The following LDB3 variants were observed in gnomAD, a reference collection of about 807,000 sequenced individuals.
LDB3 encodes LIM domain binding 3.
LDB3 carries 49 observed loss-of-function variants against 69.0 expected under a neutral mutation model. That is an observed-to-expected ratio of 0.71 (90% CI 0.56 to 0.90). LDB3 has a LOEUF of 0.90. LDB3 is among the 40% of genes least tolerant of loss of function. LDB3 has a pLI of 0.00. For synonymous variants in LDB3, 387 were observed against 396.2 expected, an observed-to-expected ratio of 0.98 and a Z score of 0.28; for missense variants, 928 against 974.1, an observed-to-expected ratio of 0.95 and a Z score of 0.63.
At chr10:86,710,270 C>A (rs1299996817) in intron 9 of LDB3, 2 of 985,088 alleles carry the variant, frequency 2.0e-6, no homozygotes, top group African/African-American at 3.5e-5. Context: ...GTGGATGATT[C>A]TAAGGGAGAG....
intron 12 of LDB3, among the ~76,000 whole-genome samples, chr10:86,721,791 C>T (rs1398033936): frequency 2.0e-5 from 3 of 152,238 alleles, no homozygotes; most frequent in East Asian, 1.9e-4. Context: ...CCTCCATGTG[C>T]TTCTGATGTT....
chr10:86,725,702 C>G (rs1379365313), intron 12 of LDB3, among the ~76,000 whole-genome samples: 3 of 152,096 alleles, frequency 2.0e-5, no homozygotes, highest in Admixed American at 6.5e-5. Context: ...ACACAAATGC[C>G]CCATGACAGA....
At chr10:86,707,838 C>T (rs1846502226) in intron 8 of LDB3, among the ~76,000 whole-genome samples, 1 of 152,234 alleles carries the variant, frequency 6.6e-6, no homozygotes, top group African/African-American at 2.4e-5. Context: ...GAGCCTGGCC[C>T]TCCAGGGATG....
In LDB3 at chr10:86,732,961, C is replaced by T. The variant is rs1847528893; in HGVS notation, c.2169C>T (p.His723=). Residue 723 remains histidine, a synonymous_variant, in exon 14 of 14, where the codon CAC becomes CAT. Transcript: ENST00000361373. The stretch of plus-strand genomic sequence containing the variant: ...GACCCCTGTGCAAGAAGCACGCACA[C>T]ACCATCAACTTGTAGGCGGCCAAGG... ...KDRPLCKKHA[H]TINL The T allele has an allele frequency of 6.2e-7, 1 of 1,613,642 alleles. No homozygotes were observed. Among genetic ancestry groups the T allele is most frequent in the Non-Finnish European group, 8.5e-7 (1 of 1,179,736 alleles).
intron 3 of LDB3, 101 bp from the exon 4 acceptor site, chr10:86,679,981 C>A: frequency 9.7e-7 from 1 of 1,028,868 alleles, no homozygotes; most frequent in Non-Finnish European, 1.5e-6. Context: ...TGAGAGCTGA[C>A]TCTGGCTCTC....
intron 9 of LDB3, among the ~76,000 whole-genome samples, chr10:86,714,124 C>A (rs980081126): frequency 3.3e-5 from 5 of 152,186 alleles, no homozygotes; most frequent in Non-Finnish European, 5.9e-5. Flanking sequence ...CCTTAATCCT[C>A]ATAATAACCT....
At chr10:86,722,716 A>C (rs1455384525) in intron 12 of LDB3, among the ~76,000 whole-genome samples, 1 of 151,256 alleles carries the variant, frequency 6.6e-6, no homozygotes, top group Non-Finnish European at 1.5e-5. Flanking sequence ...ACAGGCTCCC[A>C]CCAACACGCC....
intron 7 of LDB3, among the ~76,000 whole-genome samples, chr10:86,697,549 C>CTTTTTTTTTTTTTTTTTTTTT (rs71019409): frequency 1.2e-5 from 1 of 83,940 alleles, no homozygotes; most frequent in African/African-American, 5.9e-5. Context: ...TTCTTTCTTT[C>CTTTTTTTTTTTTTTTTTTTTT]TTTTTTTTTT....
intron 7 of LDB3, among the ~76,000 whole-genome samples, chr10:86,705,524 G>T (rs146510827): frequency 6.6e-6 from 1 of 152,194 alleles, no homozygotes; most frequent in Non-Finnish European, 1.5e-5. Context: ...TAGCAACCCA[G>T]CTCTGACTGC....
intron 7 of LDB3, among the ~76,000 whole-genome samples, chr10:86,702,947 C>T (rs548092199): frequency 7.9e-5 from 12 of 152,184 alleles, no homozygotes; most frequent in Non-Finnish European, 1.3e-4. Flanking sequence ...TGGTGATCAT[C>T]GTCCTGGTGC....
chr10:86,680,685 G>T (rs1845065319), intron 4 of LDB3, among the ~76,000 whole-genome samples: 1 of 145,012 alleles, frequency 6.9e-6, no homozygotes, highest in African/African-American at 2.5e-5. Flanking sequence ...GGCAATGGCA[G>T]GCACAGGGGA....
intron 2 of LDB3, among the ~76,000 whole-genome samples, chr10:86,671,187 G>A (rs1303505326): frequency 1.3e-5 from 2 of 152,232 alleles, no homozygotes; most frequent in African/African-American, 2.4e-5. Flanking sequence ...ACTGAGGCTC[G>A]AGTCTGCTCA....
chr10:86,709,374 G>T (rs1421591902), intron 8 of LDB3, among the ~76,000 whole-genome samples: 1 of 152,190 alleles, frequency 6.6e-6, no homozygotes, highest in Non-Finnish European at 1.5e-5. Context: ...AGAGGTGTGT[G>T]TTGGGGGAGA....
intron 9 of LDB3, among the ~76,000 whole-genome samples, chr10:86,712,975 C>G (rs1205643924): frequency 6.6e-6 from 1 of 152,040 alleles, no homozygotes; most frequent in Admixed American, 6.5e-5. Context: ...GCAGGAGAAT[C>G]ACTTGAACCC....
chr10:86,684,626 T>C (rs1564637453), intron 5 of LDB3, among the ~76,000 whole-genome samples: 1 of 152,220 alleles, frequency 6.6e-6, no homozygotes. Flanking sequence ...GCAGGGCCAC[T>C]GTGCTGCTCC....
intron 9 of LDB3, among the ~76,000 whole-genome samples, chr10:86,712,073 G>A (rs570205681): frequency 4.6e-5 from 7 of 152,300 alleles, no homozygotes; most frequent in African/African-American, 9.6e-5. Context: ...CCAGGCTGAA[G>A]GATGCAGAAG....
At chr10:86,674,138 A>G (rs2354356) in intron 2 of LDB3, among the ~76,000 whole-genome samples, 69,605 of 151,968 alleles carry the variant, frequency 0.46, 16,215 homozygotes, top group Non-Finnish European at 0.5. Flanking sequence ...AGCCAGCCTC[A>G]CACCTTCTGG....
chr10:86,697,825 T>C (rs1329223639), intron 7 of LDB3, among the ~76,000 whole-genome samples: 1 of 152,182 alleles, frequency 6.6e-6, no homozygotes, highest in Non-Finnish European at 1.5e-5. Context: ...GTTCTGGGAT[T>C]ACAGGCATGA....
intron 2 of LDB3, among the ~76,000 whole-genome samples, chr10:86,677,427 A>G (rs1167728374): frequency 6.6e-6 from 1 of 152,030 alleles, no homozygotes; most frequent in Non-Finnish European, 1.5e-5. Flanking sequence ...TTTGCATCTC[A>G]TGTGATATTA....
Sources: gnomAD v4.1 joint callset for allele counts (sites outside exome capture counted in the v4.1 genomes callset) on GRCh38, gnomAD v4.1.1 for gene constraint, MANE v1.5 for transcripts, NCBI Gene and HGNC (gene_info 2026-07-23, HGNC 2026-07-21) for gene names.